ACSL1: variants seen among roughly 807,000 people sequenced by gnomAD.
ACSL1 encodes acyl-CoA synthetase long chain family member 1, also known as long-chain-fatty-acid--CoA ligase 1.
ACSL1 carries 41 observed loss-of-function variants against 98.4 expected under a neutral mutation model. The ratio of observed to expected loss-of-function variants is 0.42; its 90% CI spans 0.32 to 0.54. The LOEUF (loss-of-function observed/expected upper bound fraction) is 0.54. Ranked by LOEUF, ACSL1 falls within the 20% of genes least tolerant of loss-of-function variation. The pLI, the probability that ACSL1 is intolerant of heterozygous loss-of-function variation, is 0.13. For synonymous variants in ACSL1, 316 were observed against 322.7 expected, an observed-to-expected ratio of 0.98 and a Z score of 0.22; for missense variants, 734 against 883.1, an observed-to-expected ratio of 0.83 and a Z score of 2.14.
intron 2 of ACSL1, among the ~76,000 whole-genome samples, chr4:184,790,600 G>A (rs531007699): frequency 3.1e-4 from 47 of 152,268 alleles, no homozygotes; most frequent in African/African-American, 9.6e-4. Context: ...AAGCAAAAAC[G>A]TTATTCTCTG....
chr4:184,782,139 CAAAAGTCT>C (rs1766381760), intron 4 of ACSL1, among the ~76,000 whole-genome samples: 1 of 151,862 alleles, frequency 6.6e-6, no homozygotes, highest in East Asian at 1.9e-4. Flanking sequence ...CAGACGAGTT[CAAAAGTCT>C]TGGTTGCATT....
chr4:184,807,507 A>C (rs528783144), intron 1 of ACSL1, among the ~76,000 whole-genome samples: 1 of 152,312 alleles, frequency 6.6e-6, no homozygotes, highest in East Asian at 1.9e-4. Context: ...AAACCACAGA[A>C]GGATGGGGAA....
chr4:184,825,587 G>C lies in ACSL1; in HGVS notation c.-33+329C>G, dbSNP rs1326944514. On this transcript the variant is annotated intron_variant, in intron 1 of 20. Coordinates refer to ENST00000281455, the MANE Select transcript of ACSL1 (RefSeq NM_001995.5). This position sits in a 1 kb window ranked among gnomAD's most constrained non-coding sequence, Gnocchi z 4.7. ...AGCGCGGCCTCCGGCTGCTTCGCCGGGCCGGTCCCCGCCGCCGCACACACA... is the reference window on the plus strand; with the variant it reads ...AGCGCGGCCTCCGGCTGCTTCGCCGCGCCGGTCCCCGCCGCCGCACACACA... 6.6e-6 allele frequency among the ~76,000 whole-genome samples: 1 copy of C among 151,220 alleles called. No individual in the cohort carries two copies. The highest frequency in any genetic ancestry group is 1.5e-5 in the Non-Finnish European group (1 of 67,746).
At position 184,773,447 on chromosome 4, in the gene ACSL1, A is replaced by C. The variant is rs1198842612; in HGVS notation, c.841+216T>G. ...TAGTCTGTCCTAGGAAGACAGGTGA[A>C]TCTAATATCACCCTCAATAAATGTT... On this transcript the variant is annotated intron_variant, in intron 9 of 20. Coordinates refer to ENST00000281455, the MANE Select transcript of ACSL1 (RefSeq NM_001995.5). The surrounding 1 kb of genome is among the most constrained non-coding windows in gnomAD (Gnocchi z 4.3). 2.6e-5 allele frequency among the ~76,000 whole-genome samples: 4 copies of C among 152,214 alleles called. No homozygotes were observed. The highest frequency in any genetic ancestry group is 4.4e-5 in the Non-Finnish European group (3 of 68,030).
At chr4:184,780,190 A>C (rs978063830) in intron 5 of ACSL1, 142 bp downstream of exon 5, 1 of 737,748 alleles carries the variant, frequency 1.4e-6, no homozygotes, top group East Asian at 2.7e-5. Context: ...TGAGGTTTTC[A>C]TATGTGTAAC....
intron 1 of ACSL1, among the ~76,000 whole-genome samples, chr4:184,806,682 CT>C (rs200453364): frequency 2.2e-4 from 33 of 151,634 alleles, no homozygotes; most frequent in Non-Finnish European, 4.3e-4. Flanking sequence ...AGAAAGAACA[CT>C]TTAAAAAAAA....
At chr4:184,779,096 A>G (rs1196984805) in intron 5 of ACSL1, among the ~76,000 whole-genome samples, 1 of 152,180 alleles carries the variant, frequency 6.6e-6, no homozygotes, top group East Asian at 1.9e-4. Context: ...CATAAGCAAT[A>G]CTTCCAAAAG....
At chr4:184,772,969 T>G in intron 10 of ACSL1, 112 bp downstream of exon 10, 1 of 971,062 alleles carries the variant, frequency 1.0e-6, no homozygotes, top group Non-Finnish European at 1.6e-6. Flanking sequence ...ATATGTCACA[T>G]CGTTTCTAAA....
chr4:184,822,489 G>A (rs1014273990), intron 1 of ACSL1, among the ~76,000 whole-genome samples: 1 of 152,198 alleles, frequency 6.6e-6, no homozygotes, highest in Non-Finnish European at 1.5e-5. Context: ...TGTAATCCTA[G>A]CACTTTGGGG....
chr4:184,805,243 G>T (rs1189878376), intron 1 of ACSL1, among the ~76,000 whole-genome samples: 1 of 151,994 alleles, frequency 6.6e-6, no homozygotes, highest in Admixed American at 6.6e-5. Flanking sequence ...TTAAAATACA[G>T]AAATTTTCTG....
In ACSL1 at chr4:184,770,459, G is replaced by C. The variant is rs1764319544; in HGVS notation, c.933C>G (p.Cys311Trp). The C allele has an allele frequency of 1.9e-6, 3 of 1,609,486 alleles. No individual in the cohort carries two copies. The highest frequency in any genetic ancestry group is 2.5e-6 in the Non-Finnish European group (3 of 1,177,568). Reference sequence around the variant, plus strand: ...AGAAAGATATCAAAGTATCATCTGGGCAAGGATTGACTGTATTCTGTAAGC... The same window carrying C: ...AGAAAGATATCAAAGTATCATCTGGCCAAGGATTGACTGTATTCTGTAAGC... ...VKATENTVNP[C>W]PDDTLISFLP... Residue 311 changes from cysteine to tryptophan, a missense_variant, in exon 11 of 21, where the codon TGC becomes TGG. Coordinates refer to ENST00000281455, the MANE Select transcript of ACSL1 (RefSeq NM_001995.5).
chr4:184,801,926 C>G (rs1349982517), intron 2 of ACSL1, among the ~76,000 whole-genome samples: 1 of 152,226 alleles, frequency 6.6e-6, no homozygotes, highest in Non-Finnish European at 1.5e-5. Context: ...ACAGTTACTG[C>G]TAAGTTATAC....
At chr4:184,792,206 T>G (rs1430727942) in intron 2 of ACSL1, among the ~76,000 whole-genome samples, 1 of 152,038 alleles carries the variant, frequency 6.6e-6, no homozygotes. Flanking sequence ...AATTAGCAAT[T>G]AGAATAATGA....
chr4:184,761,413 A>C (rs10034312), intron 17 of ACSL1, among the ~76,000 whole-genome samples: 77,262 of 151,972 alleles, frequency 0.51, 20,426 homozygotes, highest in East Asian at 0.92. Context: ...GCCAATACAC[A>C]GTAATAAAAA....
At chr4:184,824,993 A>C (rs928355118) in intron 1 of ACSL1, among the ~76,000 whole-genome samples, 2 of 152,198 alleles carry the variant, frequency 1.3e-5, no homozygotes, top group Non-Finnish European at 2.9e-5. Flanking sequence ...GGTCAAGAAA[A>C]TAAAAGACAG....
At chr4:184,797,272 G>C (rs773807663) in intron 2 of ACSL1, among the ~76,000 whole-genome samples, 2 of 152,204 alleles carry the variant, frequency 1.3e-5, no homozygotes, top group African/African-American at 4.8e-5. Flanking sequence ...CACAAGTCTG[G>C]TGTGAGTCTT....
intron 2 of ACSL1, among the ~76,000 whole-genome samples, chr4:184,793,285 G>C (rs1284267298): frequency 6.6e-6 from 1 of 151,894 alleles, no homozygotes. Flanking sequence ...ACAAGCTCAG[G>C]TTCCTCCTGA....
At chr4:184,817,886 T>C (rs886136987) in intron 1 of ACSL1, among the ~76,000 whole-genome samples, 2 of 152,206 alleles carry the variant, frequency 1.3e-5, no homozygotes, top group Admixed American at 1.3e-4. Context: ...AGGTCTGTCC[T>C]GGACACCCTG....
In ACSL1 at chr4:184,815,152, A is replaced by C. The variant is rs182951173; in HGVS notation, c.-33+10764T>G. ...GGGAGGGAGAAAACAGTACGCATGC[A>C]CCAGGCATCCGAGGGAGGGCTGTCC... On this transcript the variant is annotated intron_variant, in intron 1 of 20. Coordinates refer to ENST00000281455, the MANE Select transcript of ACSL1 (RefSeq NM_001995.5). 4.7e-3 allele frequency: 2,117 copies of C among 455,218 alleles called. 15 individuals are homozygous for C. The highest frequency in any genetic ancestry group is 6.5e-3 in the Non-Finnish European group (1,467 of 226,220). The allele number at this position is 455,218 out of a possible 1,614,324, so 28.2% of individuals were successfully genotyped here. A position where few individuals can be genotyped will look rare whatever the true frequency, so the allele number is the denominator to read the frequency against.
Sources: gnomAD v4.1 joint callset for allele counts (sites outside exome capture counted in the v4.1 genomes callset) on GRCh38, gnomAD v4.1.1 for gene constraint, Gnocchi (gnomAD v3.1) non-coding constraint, MANE v1.5 for transcripts, NCBI Gene and HGNC (gene_info 2026-07-23, HGNC 2026-07-21) for gene names.